PPARGC1A: variants seen among roughly 807,000 people sequenced by gnomAD.
The protein encoded by PPARGC1A is peroxisome proliferator-activated receptor gamma coactivator 1-alpha.
PPARGC1A carries 25 observed loss-of-function variants against 88.7 expected under a neutral mutation model. The observed-to-expected ratio is 0.28, with a 90% CI of 0.21 to 0.39. The LOEUF (loss-of-function observed/expected upper bound fraction) is 0.39, where lower values mean the gene tolerates loss of function less well. PPARGC1A is among the 10% of genes least tolerant of loss of function. The pLI is 1.00. For synonymous variants in PPARGC1A, 363 were observed against 355.6 expected (o/e 1.02, Z -0.24); for missense variants, 880 against 968.7 (o/e 0.91, Z 1.22).
the PPARGC1A span, among the ~76,000 whole-genome samples, chr4:23,990,850 C>A: frequency 0.16 from 24,047 of 151,872 alleles, 1,980 homozygotes; most frequent in South Asian, 0.19. Context: ...AAGCAAAAAC[C>A]ACGTCGAGTA....
At chr4:24,114,378 G>A in the PPARGC1A span, among the ~76,000 whole-genome samples, 4 of 152,182 alleles carry the variant, frequency 2.6e-5, no homozygotes, top group African/African-American at 4.8e-5. Flanking sequence ...AGAAATCAGT[G>A]AGTGGGTCTG....
chr4:24,387,836 GAA>G, the PPARGC1A span, among the ~76,000 whole-genome samples: 13,475 of 99,356 alleles, frequency 0.14, 1,494 homozygotes, highest in Non-Finnish European at 0.2. Flanking sequence ...GAGAAAGAGA[GAA>G]AGAGAGAGAG....
chr4:24,448,627 C>T, the PPARGC1A span, among the ~76,000 whole-genome samples: 1 of 152,178 alleles, frequency 6.6e-6, no homozygotes, highest in Non-Finnish European at 1.5e-5. Context: ...CAGCCTCGAA[C>T]TCTCCCAGCT....
chr4:24,112,362 C>T, the PPARGC1A span, among the ~76,000 whole-genome samples: 1 of 152,100 alleles, frequency 6.6e-6, no homozygotes, highest in African/African-American at 2.4e-5. Context: ...TACAGAAAAG[C>T]CAGAAATCTG....
the PPARGC1A span, among the ~76,000 whole-genome samples, chr4:23,947,398 A>ATATGT: frequency 5.6e-5 from 1 of 17,836 alleles, no homozygotes; most frequent in African/African-American, 2.0e-4. Flanking sequence ...TATATATATA[A>ATATGT]AAAAAACGGT....
chr4:24,369,264 A>C, the PPARGC1A span, among the ~76,000 whole-genome samples: 1 of 152,160 alleles, frequency 6.6e-6, no homozygotes, highest in Non-Finnish European at 1.5e-5. Context: ...AGCCATCACA[A>C]TTATTTTTTA....
At chr4:23,909,762 T>G in the PPARGC1A span, among the ~76,000 whole-genome samples, 1 of 151,610 alleles carries the variant, frequency 6.6e-6, no homozygotes, top group African/African-American at 2.4e-5. Flanking sequence ...ACTATCCTTA[T>G]CAGTGTATAA....
chr4:24,280,976 C>A, the PPARGC1A span, among the ~76,000 whole-genome samples: 2 of 152,204 alleles, frequency 1.3e-5, no homozygotes, highest in Admixed American at 6.5e-5. Flanking sequence ...AGAAGCCCAG[C>A]ATGTTTCATC....
At chr4:24,020,031 G>A in the PPARGC1A span, among the ~76,000 whole-genome samples, 1 of 152,060 alleles carries the variant, frequency 6.6e-6, no homozygotes, top group African/African-American at 2.4e-5. Flanking sequence ...TTGCATGGCT[G>A]GATTCATATT....
chr4:24,350,454 C>T, the PPARGC1A span, among the ~76,000 whole-genome samples: 1 of 152,160 alleles, frequency 6.6e-6, no homozygotes, highest in African/African-American at 2.4e-5. Context: ...ATACATACAC[C>T]TGGGATATAG....
chr4:24,106,455 A>G, the PPARGC1A span, among the ~76,000 whole-genome samples: 1 of 152,236 alleles, frequency 6.6e-6, no homozygotes, highest in Non-Finnish European at 1.5e-5. Context: ...AGCACCTTCA[A>G]GTAGCAACTT....
At chr4:24,187,529 A>G in the PPARGC1A span, among the ~76,000 whole-genome samples, 4 of 152,216 alleles carry the variant, frequency 2.6e-5, no homozygotes, top group African/African-American at 9.6e-5. Flanking sequence ...TTAACTGTTT[A>G]ACTTAACCTG....
At chr4:23,934,606 A>G in the PPARGC1A span, among the ~76,000 whole-genome samples, 1 of 152,186 alleles carries the variant, frequency 6.6e-6, no homozygotes, top group East Asian at 1.9e-4. Flanking sequence ...GAGACTCTCT[A>G]TTGACTAATC....
chr4:24,053,030 ATTTTT>A, the PPARGC1A span, among the ~76,000 whole-genome samples: 4 of 140,850 alleles, frequency 2.8e-5, no homozygotes, highest in African/African-American at 1.0e-4. Flanking sequence ...CACCCGGCTA[ATTTTT>A]TTTTTTTTGT....
chr4:24,235,008 T>C, the PPARGC1A span, among the ~76,000 whole-genome samples: 1 of 152,154 alleles, frequency 6.6e-6, no homozygotes, highest in African/African-American at 2.4e-5. Flanking sequence ...ACTTCTGAAA[T>C]ACTCATTTTG....
chr4:24,091,117 T>C, the PPARGC1A span, among the ~76,000 whole-genome samples: 1 of 152,236 alleles, frequency 6.6e-6, no homozygotes, highest in African/African-American at 2.4e-5. Context: ...GGTGTTGTAT[T>C]AAATTTTTAT....
At chr4:23,800,151 T>C (rs1013895675) in intron 12 of PPARGC1A, among the ~76,000 whole-genome samples, 4 of 152,196 alleles carry the variant, frequency 2.6e-5, no homozygotes, top group Non-Finnish European at 5.9e-5. Flanking sequence ...CCTGTATTTG[T>C]ATTTGTTTCC....
chr4:23,890,714 G>A (rs1033927911), upstream of PPARGC1A, among the ~76,000 whole-genome samples: 1 of 149,802 alleles, frequency 6.7e-6, no homozygotes, highest in African/African-American at 2.4e-5. Context: ...ATGGCAGTAG[G>A]GAATACCAGC....
the PPARGC1A span, among the ~76,000 whole-genome samples, chr4:24,276,368 C>T: frequency 2.0e-5 from 3 of 152,192 alleles, no homozygotes; most frequent in Non-Finnish European, 4.4e-5. Context: ...TGTGTGCCTA[C>T]CCTCACACTG....
Sources: allele counts gnomAD v4.1 joint callset (sites outside exome capture counted in the v4.1 genomes callset), GRCh38; gene constraint gnomAD v4.1.1; transcripts MANE v1.5; gene names NCBI Gene and HGNC (gene_info 2026-07-23, HGNC 2026-07-21).